Variants in MUC13 observed in about 807,000 individuals in gnomAD.
The protein encoded by MUC13 is mucin-13.
In MUC13, 32 loss-of-function variants were observed where a neutral mutation model predicts 48.3. The observed-to-expected ratio is 0.66, with a 90% CI of 0.50 to 0.89. The LOEUF (loss-of-function observed/expected upper bound fraction) is 0.89. Among genes scored for constraint, MUC13 ranks in the 40% least tolerant of loss-of-function variants. MUC13 has a pLI of 0.00. For synonymous variants in MUC13, 199 were observed against 224.9 expected (o/e 0.88, Z 1.03); for missense variants, 571 against 622.8 (o/e 0.92, Z 0.88).
At chr3:124,922,068 T>A (rs1935605095) in intron 4 of MUC13, 129 bp downstream of exon 4, 1 of 1,103,696 alleles carries the variant, frequency 9.1e-7, no homozygotes, top group Non-Finnish European at 1.3e-6. Flanking sequence ...CCAGTAAAGG[T>A]ACATTTCACT....
chr3:124,924,602 A>T (rs1430420958), intron 2 of MUC13, among the ~76,000 whole-genome samples: 1 of 152,212 alleles, frequency 6.6e-6, no homozygotes, highest in Non-Finnish European at 1.5e-5. Flanking sequence ...GAAGGGAAGG[A>T]TTATACACAA....
In MUC13 at chr3:124,927,787, GA is replaced by G; in HGVS notation, c.258del (p.Ile89Ter). 4 of 1,612,822 alleles carry G rather than the reference GA, an allele frequency of 2.5e-6. No individual in the cohort carries two copies. The highest frequency in any genetic ancestry group is 3.4e-6 in the Non-Finnish European group (4 of 1,179,624). The stretch of plus-strand genomic sequence containing the variant: ...GAACTATGTGTACTAATTATGGGGG[GA>G]GCAGGTGTAGGAATTGTGGAGGAAC... The part of the protein sequence containing the change: ...THSSSTIPTP[A>X]PPIISTHSSS... On this transcript the variant is annotated frameshift_variant, in exon 2 of 12. Coordinates refer to ENST00000616727, the MANE Select transcript of MUC13 (RefSeq NM_033049.4). LOFTEE classifies it high-confidence loss of function.
rs1296588488 is a variant in MUC13, at chr3:124,913,473, T to C, written c.1084+89A>G. ...CAGATCACTCGGACTCTGAAATGCA[T>C]GTGGAAACTAAAGGAGTGAATTTTT... On this transcript the variant is annotated intron_variant, in intron 7 of 11. Transcript: ENST00000616727. 25 of 1,589,356 alleles carry C rather than the reference T, an allele frequency of 1.6e-5. No homozygotes were observed. In the East Asian group the frequency reaches 3.6e-4, roughly 23 times the overall value.
chr3:124,924,638 G>A (rs1019617010), intron 2 of MUC13, among the ~76,000 whole-genome samples: 1 of 152,160 alleles, frequency 6.6e-6, no homozygotes, highest in Non-Finnish European at 1.5e-5. Context: ...TATTTGCATA[G>A]GTAATTTCAG....
chr3:124,917,122 C>G (rs528495270), intron 5 of MUC13, among the ~76,000 whole-genome samples: 2 of 152,160 alleles, frequency 1.3e-5, no homozygotes, highest in South Asian at 4.2e-4. Context: ...AAGACATTGT[C>G]ACTGTCTCTC....
chr3:124,907,133 C>A (rs2107666277), intron 11 of MUC13, among the ~76,000 whole-genome samples: 1 of 152,304 alleles, frequency 6.6e-6, no homozygotes, highest in Non-Finnish European at 1.5e-5. Flanking sequence ...GTATCACCAG[C>A]CTAACTAGCT....
intron 2 of MUC13, among the ~76,000 whole-genome samples, chr3:124,925,646 C>T (rs926928122): frequency 6.6e-6 from 1 of 152,214 alleles, no homozygotes. Context: ...CAGGGCCTTG[C>T]TCTGTTGCCC....
At chr3:124,922,076 A>AC in intron 4 of MUC13, 121 bp downstream of exon 4, 4 of 1,192,938 alleles carry the variant, frequency 3.4e-6, no homozygotes, top group Non-Finnish European at 4.6e-6. Context: ...GGTACATTTC[A>AC]CTGTTTGAAC....
At chr3:124,920,421 C>G in intron 4 of MUC13, 132 bp from the exon 5 acceptor site, 1 of 686,604 alleles carries the variant, frequency 1.5e-6, no homozygotes, top group East Asian at 2.8e-5. Context: ...GAAAATGGAC[C>G]CTGGGAGACT....
At chr3:124,912,220 A>C in intron 8 of MUC13, 79 bp from the exon 9 acceptor site, 55 of 1,557,854 alleles carry the variant, frequency 3.5e-5, no homozygotes, top group Non-Finnish European at 4.4e-5. Context: ...CCCAATCTCC[A>C]CCTCTTCCTT....
chr3:124,927,123 T>G (rs953039347), intron 2 of MUC13, among the ~76,000 whole-genome samples: 5 of 152,202 alleles, frequency 3.3e-5, no homozygotes, highest in Admixed American at 2.6e-4. Context: ...AGAACTGACT[T>G]CTTCCTTAGG....
intron 6 of MUC13, among the ~76,000 whole-genome samples, chr3:124,914,809 C>T (rs1268423200): frequency 6.6e-6 from 1 of 151,678 alleles, no homozygotes; most frequent in Non-Finnish European, 1.5e-5. Context: ...GCCTATAATC[C>T]CAGCTACTCG....
At chr3:124,930,869 A>G (rs1002392384) in intron 1 of MUC13, among the ~76,000 whole-genome samples, 9 of 152,244 alleles carry the variant, frequency 5.9e-5, no homozygotes, top group African/African-American at 2.2e-4. Context: ...AGTCTCTCAG[A>G]GAAAGCAAAA....
chr3:124,913,057 C>G, intron 8 of MUC13, 54 bp downstream of exon 8: 2 of 1,593,408 alleles, frequency 1.3e-6, no homozygotes, highest in African/African-American at 1.3e-5. Context: ...TAAGGTCTCT[C>G]TACTTTGCCT....
intron 2 of MUC13, 48 bp from the exon 3 acceptor site, chr3:124,923,697 A>G: frequency 6.3e-7 from 1 of 1,593,616 alleles, no homozygotes; most frequent in African/African-American, 1.4e-5. Context: ...ATGACAATAA[A>G]TAACAACTGG....
chr3:124,925,908 C>T (rs1579370188), intron 2 of MUC13, among the ~76,000 whole-genome samples: 1 of 152,120 alleles, frequency 6.6e-6, no homozygotes, highest in Non-Finnish European at 1.5e-5. Flanking sequence ...AGCCACCATG[C>T]TCGGCTTCCA....
At chr3:124,909,329 G>T (rs760194502) in intron 10 of MUC13, among the ~76,000 whole-genome samples, 3 of 152,138 alleles carry the variant, frequency 2.0e-5, no homozygotes, top group Non-Finnish European at 4.4e-5. Flanking sequence ...CATTGAGAAT[G>T]GGAAAAAGAT....
intron 5 of MUC13, among the ~76,000 whole-genome samples, chr3:124,919,748 A>G (rs1935562594): frequency 1.3e-5 from 2 of 152,134 alleles, no homozygotes; most frequent in Admixed American, 6.5e-5. Flanking sequence ...GAAGTGCTCA[A>G]TAAGTGCTTG....
intron 2 of MUC13, 61 bp downstream of exon 2, chr3:124,927,471 C>T: frequency 6.6e-7 from 1 of 1,514,468 alleles, no homozygotes; most frequent in Non-Finnish European, 9.1e-7. Flanking sequence ...ACATACCCAC[C>T]TCCCTCCCTC....
Sources: allele counts gnomAD v4.1 joint callset (sites outside exome capture counted in the v4.1 genomes callset), GRCh38; gene constraint gnomAD v4.1.1; transcripts MANE v1.5; gene names NCBI Gene and HGNC (gene_info 2026-07-23, HGNC 2026-07-21).